The following PIGU variants were observed in gnomAD, a reference collection of about 807,000 sequenced individuals.
PIGU encodes phosphatidylinositol glycan anchor biosynthesis class U, also known as GPI-anchor transamidase component PIGU.
PIGU carries 24 observed loss-of-function variants against 49.9 expected under a neutral mutation model. The observed-to-expected ratio is 0.48, with a 90% CI of 0.35 to 0.68. PIGU has a LOEUF of 0.68. Among genes scored for constraint, PIGU ranks in the 30% least tolerant of loss-of-function variants. The pLI, the probability that PIGU is intolerant of heterozygous loss-of-function variation, is 0.01. For synonymous variants in PIGU, 220 were observed against 205.7 expected (o/e 1.07, Z -0.59); for missense variants, 490 against 532.6 (o/e 0.92, Z 0.79).
intron 7 of PIGU, among the ~76,000 whole-genome samples, chr20:34,610,406 C>A (rs1041242010): frequency 6.6e-6 from 1 of 152,046 alleles, no homozygotes; most frequent in Non-Finnish European, 1.5e-5. Context: ...TCCTATATAC[C>A]AATTATAGAC....
Position 34,594,572 on chromosome 20 carries a change from G to A in PIGU, c.628-5965C>T, listed in dbSNP as rs144855370. 1.4e-3 allele frequency among the ~76,000 whole-genome samples: 209 copies of A among 152,266 alleles called. 3 individuals are homozygous for A. The East Asian group carries it at 0.029, about 21-fold the overall frequency. On this transcript the variant is annotated intron_variant, in intron 7 of 11. Transcript: ENST00000217446. ...GCAAATCACCTGAGGTCAGCAGTTC[G>A]AGACCAGCCTGACCAACATGGTGAA...
intron 7 of PIGU, among the ~76,000 whole-genome samples, chr20:34,593,386 T>C (rs995252918): frequency 1.3e-5 from 2 of 148,192 alleles, no homozygotes; most frequent in African/African-American, 2.5e-5. Flanking sequence ...AGATAAAAAG[T>C]TCATATGGAA....
Position 34,602,874 on chromosome 20 carries a change from C to T in PIGU, c.627+13168G>A, listed in dbSNP as rs569586621. ...TCCTCCCTCCAAAGTAATCACTACC[C>T]TGGCTTTGGTAATAATCACTTCCTT... On this transcript the variant is annotated intron_variant, in intron 7 of 11. Transcript: ENST00000217446. Among the ~76,000 whole-genome samples the T allele has an allele frequency of 2.0e-5, 3 of 152,286 alleles. No homozygotes were observed. In the South Asian group the frequency reaches 6.2e-4, roughly 32 times the overall value.
At chr20:34,624,596 GCAGGAC>G (rs1428554887) in intron 6 of PIGU, among the ~76,000 whole-genome samples, 1 of 152,208 alleles carries the variant, frequency 6.6e-6, no homozygotes, top group African/African-American at 2.4e-5. Flanking sequence ...TGGTGAAAAA[GCAGGAC>G]CATCTATTAG....
intron 1 of PIGU, among the ~76,000 whole-genome samples, chr20:34,668,510 C>T (rs1383134050): frequency 7.1e-6 from 1 of 141,526 alleles, no homozygotes; most frequent in Non-Finnish European, 1.5e-5. Flanking sequence ...CTGGCTCACA[C>T]CCGTAATCCC....
chr20:34,618,843 T>C (rs1985103644), intron 6 of PIGU, among the ~76,000 whole-genome samples: 1 of 152,160 alleles, frequency 6.6e-6, no homozygotes, highest in Non-Finnish European at 1.5e-5. Context: ...AAGGAGGAAC[T>C]AGTCACTCCA....
chr20:34,674,702 G>C (rs180745518), intron 1 of PIGU, among the ~76,000 whole-genome samples: 1 of 151,806 alleles, frequency 6.6e-6, no homozygotes, highest in Non-Finnish European at 1.5e-5. Flanking sequence ...CCAGATGGGC[G>C]GATCACTTGA....
chr20:34,669,879 A>G (rs1034485889), intron 1 of PIGU, among the ~76,000 whole-genome samples: 3 of 152,116 alleles, frequency 2.0e-5, no homozygotes, highest in African/African-American at 7.2e-5. Flanking sequence ...AAAAATTAAG[A>G]GAGATTGAAA....
At chr20:34,621,748 C>G (rs1482574691) in intron 6 of PIGU, among the ~76,000 whole-genome samples, 2 of 152,204 alleles carry the variant, frequency 1.3e-5, no homozygotes. Flanking sequence ...ATATTTTAAA[C>G]AAACTGTGCA....
intron 10 of PIGU, among the ~76,000 whole-genome samples, chr20:34,577,793 G>A (rs148371205): frequency 2.0e-5 from 3 of 152,298 alleles, no homozygotes; most frequent in Non-Finnish European, 4.4e-5. Flanking sequence ...AGTCTCTAGG[G>A]TGGGGTTCAG....
chr20:34,615,453 T>C (rs560687914), intron 7 of PIGU, among the ~76,000 whole-genome samples: 14 of 152,342 alleles, frequency 9.2e-5, no homozygotes, highest in African/African-American at 1.9e-4. Flanking sequence ...TGCAAGATAG[T>C]TGCGTTTGCA....
intron 10 of PIGU, among the ~76,000 whole-genome samples, chr20:34,578,014 T>C (rs570484482): frequency 6.6e-6 from 1 of 152,328 alleles, no homozygotes; most frequent in South Asian, 2.1e-4. Flanking sequence ...TGAGAAATGA[T>C]AGGTATCATT....
intron 11 of PIGU, among the ~76,000 whole-genome samples, chr20:34,569,048 A>G (rs1886825331): frequency 6.6e-6 from 1 of 151,952 alleles, no homozygotes; most frequent in Admixed American, 6.6e-5. Context: ...TCTACCAAAA[A>G]TTTAAAAAGT....
chr20:34,565,263 C>T (rs946527771), intron 11 of PIGU, among the ~76,000 whole-genome samples: 2 of 51,280 alleles, frequency 3.9e-5, no homozygotes, highest in African/African-American at 1.2e-4. Context: ...CTGGGCTCCT[C>T]TAGTTTTTTT....
intron 4 of PIGU, among the ~76,000 whole-genome samples, chr20:34,640,017 G>A (rs1326587583): frequency 1.3e-5 from 2 of 152,212 alleles, no homozygotes; most frequent in African/African-American, 4.8e-5. Flanking sequence ...GCCACCTGGA[G>A]TGGGTGAGAT....
chr20:34,580,319 C>A (rs536127989), intron 10 of PIGU, among the ~76,000 whole-genome samples: 133 of 152,376 alleles, frequency 8.7e-4, no homozygotes, highest in Admixed American at 1.9e-3. Flanking sequence ...GATGTCACCA[C>A]AGAAGACACT....
At chr20:34,620,810 AAAAAAAAAAC>A (rs1375140779) in intron 6 of PIGU, among the ~76,000 whole-genome samples, 22 of 41,644 alleles carry the variant, frequency 5.3e-4, no homozygotes, top group Non-Finnish European at 1.6e-3. Flanking sequence ...AAAAAAAAAC[AAAAAAAAAAC>A]AAAAAAAAAA....
At chr20:34,635,743 C>T (rs1023564607) in intron 5 of PIGU, among the ~76,000 whole-genome samples, 2 of 151,928 alleles carry the variant, frequency 1.3e-5, no homozygotes, top group African/African-American at 4.8e-5. Flanking sequence ...GGCGTGGTGG[C>T]ACATGCCTGT....
chr20:34,595,512 C>G (rs1984167336), intron 7 of PIGU, among the ~76,000 whole-genome samples: 1 of 152,022 alleles, frequency 6.6e-6, no homozygotes, highest in South Asian at 2.1e-4. Context: ...CCACAAATAC[C>G]GAGGGAAGAC....
Sources: gnomAD v4.1 joint callset for allele counts (sites outside exome capture counted in the v4.1 genomes callset) on GRCh38, gnomAD v4.1.1 for gene constraint, MANE v1.5 for transcripts, NCBI Gene and HGNC (gene_info 2026-07-23, HGNC 2026-07-21) for gene names.